MDGA2: variants seen among roughly 807,000 people sequenced by gnomAD.
MDGA2 encodes the protein MAM domain-containing glycosylphosphatidylinositol anchor protein 2.
Under a neutral mutation model 117.8 loss-of-function variants are expected in MDGA2, and 40 were observed. The observed-to-expected ratio is 0.34, with a 90% confidence interval of 0.26 to 0.44. The LOEUF (loss-of-function observed/expected upper bound fraction) is 0.44, where lower values mean the gene tolerates loss of function less well. Ranked by LOEUF, MDGA2 falls within the 20% of genes least tolerant of loss-of-function variation. The pLI, the probability that MDGA2 is intolerant of heterozygous loss-of-function variation, is 1.00. For missense variants in MDGA2, 1,123 were observed against 1,250.6 expected (o/e 0.90, Z 1.54); for synonymous variants, 452 against 439.0 (o/e 1.03, Z -0.37).
chr14:47,019,088 A>G (rs1213427709), intron 8 of MDGA2, among the ~76,000 whole-genome samples: 2 of 152,212 alleles, frequency 1.3e-5, no homozygotes, highest in Non-Finnish European at 2.9e-5. Flanking sequence ...GAATGAATTA[A>G]TTGAAGTAAA....
chr14:47,539,927 C>G (rs1895303366), intron 1 of MDGA2, among the ~76,000 whole-genome samples: 1 of 152,218 alleles, frequency 6.6e-6, no homozygotes. Flanking sequence ...AACACACTAG[C>G]AAATCCATTC....
chr14:46,982,873 G>A (rs548856711), intron 8 of MDGA2, among the ~76,000 whole-genome samples: 8 of 152,060 alleles, frequency 5.3e-5, no homozygotes, highest in Non-Finnish European at 8.8e-5. Flanking sequence ...GAGGGCATCC[G>A]TGTCTTGTGC....
intron 1 of MDGA2, among the ~76,000 whole-genome samples, chr14:47,349,910 A>G (rs138877891): frequency 4.2e-3 from 636 of 152,304 alleles, no homozygotes; most frequent in Admixed American, 6.4e-3. Context: ...CCAGCCAGTG[A>G]GAGGCACTGG....
rs11285576 is a variant in MDGA2 at position 47,082,332 on chromosome 14, GAAA to G, written c.1195+14519_1195+14521del. On this transcript the variant is annotated intron_variant, in intron 6 of 16. Transcript: ENST00000399232. ...CTTGAGAGATCAAATTCCAGGGAAG[GAAA>G]AAAAAAAAAAAATGAGCTTCACATA... Among the ~76,000 whole-genome samples the G allele has an allele frequency of 1.2e-3, 175 of 144,568 alleles. 1 individual carries two copies. Among genetic ancestry groups the G allele is most frequent in the African/African-American group, 3.8e-3 (151 of 39,618 alleles). 94.8% of individuals were successfully genotyped at this position (144,568 alleles called of 152,430 possible). A position where few individuals can be genotyped will look rare whatever the true frequency, so the allele number is the denominator to read the frequency against.
chr14:47,567,430 G>A (rs189509771), intron 1 of MDGA2, among the ~76,000 whole-genome samples: 1 of 152,268 alleles, frequency 6.6e-6, no homozygotes, highest in Non-Finnish European at 1.5e-5. Flanking sequence ...ACACACTCTA[G>A]CAACCATTCA....
At chr14:47,177,797 TAATAA>T (rs1242826774) in intron 3 of MDGA2, among the ~76,000 whole-genome samples, 4 of 152,148 alleles carry the variant, frequency 2.6e-5, no homozygotes, top group African/African-American at 4.8e-5. Context: ...ACTTAAAGTA[TAATAA>T]AATAAAATAA....
At chr14:46,869,353 T>G (rs1051707284) in intron 14 of MDGA2, among the ~76,000 whole-genome samples, 2 of 35,460 alleles carry the variant, frequency 5.6e-5, no homozygotes, top group Non-Finnish European at 1.6e-4. Flanking sequence ...ATGAGATTCT[T>G]TTTTTTTTTT....
At chr14:46,937,229 A>C (rs2138569178) in intron 9 of MDGA2, among the ~76,000 whole-genome samples, 1 of 150,378 alleles carries the variant, frequency 6.6e-6, no homozygotes, top group African/African-American at 2.4e-5. Flanking sequence ...CCCCAACACA[A>C]ATACCTGAAA....
At chr14:47,109,805 G>T (rs1347956669) in intron 5 of MDGA2, among the ~76,000 whole-genome samples, 9 of 152,112 alleles carry the variant, frequency 5.9e-5, no homozygotes, top group African/African-American at 1.2e-4. Flanking sequence ...AATTAGCCAG[G>T]TGTGGTGGCA....
chr14:47,576,965 G>A (rs1034279522), intron 1 of MDGA2, among the ~76,000 whole-genome samples: 5 of 152,030 alleles, frequency 3.3e-5, no homozygotes, highest in African/African-American at 1.2e-4. Context: ...TGCCCAGGCT[G>A]GTCTCAAATG....
At chr14:47,603,759 A>G (rs1896690188) in intron 1 of MDGA2, among the ~76,000 whole-genome samples, 1 of 152,068 alleles carries the variant, frequency 6.6e-6, no homozygotes, top group South Asian at 2.1e-4. Flanking sequence ...GTAATCTCCA[A>G]TTCTGGAGGC....
At chr14:47,136,246 T>C (rs1329694941) in intron 4 of MDGA2, among the ~76,000 whole-genome samples, 2 of 150,846 alleles carry the variant, frequency 1.3e-5, no homozygotes, top group Non-Finnish European at 2.9e-5. Context: ...TCACCCAGGC[T>C]GGAGTGCAGT....
intron 5 of MDGA2, among the ~76,000 whole-genome samples, chr14:47,116,041 C>T (rs1881311980): frequency 6.6e-6 from 1 of 151,876 alleles, no homozygotes; most frequent in Admixed American, 6.6e-5. Context: ...GCCCTAAAAA[C>T]TCTATGAAAA....
At chr14:47,323,218 C>T (rs1194310826) in intron 1 of MDGA2, among the ~76,000 whole-genome samples, 4 of 140,226 alleles carry the variant, frequency 2.9e-5, no homozygotes, top group South Asian at 2.3e-4. Flanking sequence ...GATGACATTT[C>T]GGTGACTGTA....
intron 8 of MDGA2, among the ~76,000 whole-genome samples, chr14:46,974,011 T>A (rs1886363229): frequency 6.6e-6 from 1 of 151,780 alleles, no homozygotes; most frequent in African/African-American, 2.4e-5. Flanking sequence ...AACGCTGGAA[T>A]GACAGGCATA....
intron 3 of MDGA2, among the ~76,000 whole-genome samples, chr14:47,161,004 C>T (rs1298020437): frequency 6.6e-6 from 1 of 152,048 alleles, no homozygotes; most frequent in East Asian, 1.9e-4. Flanking sequence ...TTCCTTATTC[C>T]AAATCAGGAG....
chr14:47,599,447 A>G (rs1896606377), intron 1 of MDGA2, among the ~76,000 whole-genome samples: 1 of 152,110 alleles, frequency 6.6e-6, no homozygotes, highest in African/African-American at 2.4e-5. Context: ...TGCATTCAAT[A>G]TTTTATTTAT....
intron 5 of MDGA2, among the ~76,000 whole-genome samples, chr14:47,115,015 G>T (rs1881249082): frequency 6.7e-6 from 1 of 150,262 alleles, no homozygotes; most frequent in South Asian, 2.1e-4. Flanking sequence ...GAAAATTTTT[G>T]CTTATGCTTT....
At chr14:47,636,458 A>C (rs1897322141) in intron 1 of MDGA2, among the ~76,000 whole-genome samples, 1 of 152,108 alleles carries the variant, frequency 6.6e-6, no homozygotes, top group Admixed American at 6.6e-5. Flanking sequence ...CATCAACTGA[A>C]GATATCTAGC....
Sources: allele counts gnomAD v4.1 joint callset (sites outside exome capture counted in the v4.1 genomes callset), GRCh38; gene constraint gnomAD v4.1.1; transcripts MANE v1.5; gene names NCBI Gene and HGNC (gene_info 2026-07-23, HGNC 2026-07-21).